Variants in ADAM17 observed in about 807,000 individuals in gnomAD.
The protein encoded by ADAM17 is ADAM metallopeptidase domain 17.
Under a neutral mutation model 96.7 loss-of-function variants are expected in ADAM17, and 39 were observed. The observed-to-expected ratio is 0.40, with a 90% CI of 0.31 to 0.53. The LOEUF (loss-of-function observed/expected upper bound fraction) is 0.53. Ranked by LOEUF, ADAM17 falls within the 20% of genes least tolerant of loss-of-function variation. ADAM17 has a pLI of 0.44. For missense variants in ADAM17, 777 were observed against 1,013.2 expected (o/e 0.77, Z 3.17); for synonymous variants, 344 against 359.2 (o/e 0.96, Z 0.48).
At position 9,489,095 on chromosome 2, in the gene ADAM17, C is replaced by T. The variant is rs1464260534; in HGVS notation, c.*1082G>A. 6.6e-6 allele frequency: 1 copy of T among 152,036 alleles called. No individual in the cohort carries two copies. Among genetic ancestry groups the T allele is most frequent in the South Asian group, 2.1e-4 (1 of 4,828 alleles). The allele number at this position is 152,036 out of a possible 1,614,324, so 9.4% of individuals were successfully genotyped here. ...AAGTCTTGTGGGGACAGCCCCCAAC[C>T]CTAAGGGCAGGTAGTATTCTATCTC... On this transcript the variant is annotated 3_prime_UTR_variant, in exon 19 of 19. Coordinates refer to ENST00000310823, the MANE Select transcript of ADAM17 (RefSeq NM_003183.6).
intron 10 of ADAM17, among the ~76,000 whole-genome samples, chr2:9,513,196 T>G (rs1663839372): frequency 6.6e-6 from 1 of 152,194 alleles, no homozygotes; most frequent in Admixed American, 6.5e-5. Context: ...GGTTTCACCA[T>G]GTTGGTCAGG....
intron 15 of ADAM17, 146 bp downstream of exon 15, chr2:9,494,490 TC>T: frequency 1.1e-6 from 1 of 909,650 alleles, no homozygotes; most frequent in Non-Finnish European, 1.6e-6. Flanking sequence ...CGTCTTCTCC[TC>T]CTAAGTAATA....
intron 11 of ADAM17, among the ~76,000 whole-genome samples, chr2:9,508,095 C>CT (rs2125004510): frequency 6.6e-6 from 1 of 152,326 alleles, no homozygotes; most frequent in Non-Finnish European, 1.5e-5. Context: ...CCCAGGCAGT[C>CT]TGCAAAGTAA....
At chr2:9,552,985 C>A (rs1021651696) in intron 1 of ADAM17, among the ~76,000 whole-genome samples, 2 of 152,066 alleles carry the variant, frequency 1.3e-5, no homozygotes, top group African/African-American at 4.8e-5. Context: ...TGTTTTTCAA[C>A]TATGAAACTA....
At chr2:9,524,842 C>G (rs1003427905) in intron 6 of ADAM17, among the ~76,000 whole-genome samples, 2 of 152,118 alleles carry the variant, frequency 1.3e-5, no homozygotes, top group African/African-American at 4.8e-5. Context: ...TGAGAAAGAA[C>G]AAAATGCTAA....
In ADAM17 at chr2:9,516,441, G is replaced by A. The variant is rs372595421; in HGVS notation, c.1191+1460C>T. ...TTTCTCAGATGTGTCTTTTGCAAAT[G>A]TTTTCCCATACCCTACACCAAGTAT... On this transcript the variant is annotated intron_variant, in intron 10 of 18. Coordinates refer to ENST00000310823, the MANE Select transcript of ADAM17 (RefSeq NM_003183.6). Among the ~76,000 whole-genome samples the A allele has an allele frequency of 2.0e-5, 3 of 152,132 alleles. No homozygotes were observed. The South Asian group carries it at 6.2e-4, about 32-fold the overall frequency.
intron 1 of ADAM17, among the ~76,000 whole-genome samples, chr2:9,547,043 C>T (rs891020399): frequency 6.6e-6 from 1 of 152,224 alleles, no homozygotes; most frequent in Non-Finnish European, 1.5e-5. Flanking sequence ...TGGCTGCCTA[C>T]TTCTCTCTAG....
chr2:9,550,453 T>C (rs1665552469), intron 1 of ADAM17, among the ~76,000 whole-genome samples: 1 of 143,096 alleles, frequency 7.0e-6, no homozygotes, highest in East Asian at 2.0e-4. Flanking sequence ...TTTTTTTTTT[T>C]TTTTTTTTTT....
At chr2:9,551,821 G>A (rs1270503470) in intron 1 of ADAM17, among the ~76,000 whole-genome samples, 3 of 152,092 alleles carry the variant, frequency 2.0e-5, no homozygotes, top group African/African-American at 4.8e-5. Flanking sequence ...CGAAGCATTC[G>A]AAAGCAAAGG....
chr2:9,504,717 G>A (rs79288621), intron 12 of ADAM17, among the ~76,000 whole-genome samples: 8,359 of 148,094 alleles, frequency 0.056, 845 homozygotes, highest in African/African-American at 0.2. Context: ...AGCCAAGATC[G>A]CGCCACTGCA....
At chr2:9,516,800 C>T (rs1443810677) in intron 10 of ADAM17, among the ~76,000 whole-genome samples, 2 of 151,960 alleles carry the variant, frequency 1.3e-5, no homozygotes, top group African/African-American at 2.4e-5. Context: ...ATATCAGATA[C>T]TAATATGTCC....
chr2:9,507,702 CATTAG>C (rs990321529), intron 11 of ADAM17, among the ~76,000 whole-genome samples: 1 of 151,408 alleles, frequency 6.6e-6, no homozygotes, highest in Non-Finnish European at 1.5e-5. Flanking sequence ...GCCCCATTCT[CATTAG>C]CAAGTTCTTT....
intron 1 of ADAM17, among the ~76,000 whole-genome samples, chr2:9,554,500 T>G (rs191434510): frequency 2.4e-4 from 37 of 152,272 alleles, no homozygotes; most frequent in African/African-American, 7.5e-4. Context: ...ACCAATCCAT[T>G]ACAATTTCTG....
In ADAM17 at chr2:9,555,550, C is replaced by A; in HGVS notation, c.56G>T (p.Arg19Leu). 6.2e-7 allele frequency: 1 copy of A among 1,603,726 alleles called. No individual in the cohort carries two copies. ...GCCGAAGCCCGGGTCATCCGGAGGT[C>A]GCGGCGCCAGCACGAAAGGAACCAC... ...TSVVPFVLAP[R>L]PPDDPGFGPH... Residue 19 changes from arginine to leucine, a missense_variant, in exon 1 of 19, where the codon CGA (arginine) becomes CTA (leucine). Coordinates refer to ENST00000310823, the MANE Select transcript of ADAM17 (RefSeq NM_003183.6).
chr2:9,504,227 A>T (rs1387524785), intron 12 of ADAM17, among the ~76,000 whole-genome samples: 1 of 151,902 alleles, frequency 6.6e-6, no homozygotes, highest in Non-Finnish European at 1.5e-5. Context: ...TGGGCAGATC[A>T]TGAAGTCAGG....
chr2:9,491,084 T>A lies in ADAM17; in HGVS notation c.2133+17A>T. The stretch of plus-strand genomic sequence containing the variant: ...AGACCAGGCGAAGATTATGTTTCTT[T>A]CATATGGTATACTTACACTGGGGTG... On this transcript the variant is annotated intron_variant, in intron 18 of 18. Coordinates refer to ENST00000310823, the MANE Select transcript of ADAM17 (RefSeq NM_003183.6). 6.2e-7 allele frequency: 1 copy of A among 1,608,952 alleles called. No homozygotes were observed. Among genetic ancestry groups the A allele is most frequent in the Non-Finnish European group, 8.5e-7 (1 of 1,176,000 alleles).
At chr2:9,490,595 TCAAA>T in intron 18 of ADAM17, 77 bp from the exon 19 acceptor site, 1 of 1,383,070 alleles carries the variant, frequency 7.2e-7, no homozygotes, top group Admixed American at 2.4e-5. Context: ...CCCTTACCCA[TCAAA>T]CAGCCTCTTA....
At chr2:9,506,669 C>CTGTCG (rs1330063826) in intron 11 of ADAM17, 3 of 152,406 alleles carry the variant, frequency 2.0e-5, no homozygotes, top group Non-Finnish European at 4.4e-5. Context: ...CGGCCCAAAT[C>CTGTCG]TGTCGTTACA....
In ADAM17 at chr2:9,491,166, CAAG is replaced by C. The variant is rs1486771352; in HGVS notation, c.2083-18_2083-16del. ...AATTTCTTATCCTAGAAAGAAACAG[CAAG>C]AAGGTCATTCCCTACAAATACAATT... On this transcript the variant is annotated splice_polypyrimidine_tract_variant and intron_variant, in intron 17 of 18. Transcript: ENST00000310823. 8.7e-6 allele frequency: 14 copies of C among 1,609,464 alleles called. No individual in the cohort carries two copies. The highest frequency in any genetic ancestry group is 2.2e-5 in the South Asian group (2 of 90,810).
Sources: gnomAD v4.1 joint callset for allele counts (sites outside exome capture counted in the v4.1 genomes callset) on GRCh38, gnomAD v4.1.1 for gene constraint, MANE v1.5 for transcripts, NCBI Gene and HGNC (gene_info 2026-07-23, HGNC 2026-07-21) for gene names.